The following ZMYM2 variants were observed in gnomAD, a reference collection of about 807,000 sequenced individuals.
The protein encoded by ZMYM2 is zinc finger MYM-type containing 2.
Under a neutral mutation model 162.8 loss-of-function variants are expected in ZMYM2, and 56 were observed. The observed-to-expected ratio is 0.34, with a 90% CI of 0.28 to 0.43. The LOEUF is 0.43. ZMYM2 is among the 20% of genes least tolerant of loss of function. The pLI is 1.00. For synonymous variants in ZMYM2, 510 were observed against 541.6 expected (o/e 0.94, Z 0.81); for missense variants, 1,275 against 1,621.8 (o/e 0.79, Z 3.67).
At chr13:20,003,487 T>C (rs530102462) in intron 4 of ZMYM2, among the ~76,000 whole-genome samples, 1 of 152,300 alleles carries the variant, frequency 6.6e-6, no homozygotes, top group East Asian at 1.9e-4. Context: ...ATCAAGATTA[T>C]AAAATTGGCA....
intron 12 of ZMYM2, among the ~76,000 whole-genome samples, chr13:20,048,801 C>T (rs1955048381): frequency 3.1e-5 from 2 of 65,324 alleles, no homozygotes; most frequent in Non-Finnish European, 4.5e-5. Flanking sequence ...GAACCTGTGA[C>T]TTGTTTTTTT....
At chr13:20,061,646 T>G (rs1956244977) in intron 17 of ZMYM2, among the ~76,000 whole-genome samples, 1 of 152,034 alleles carries the variant, frequency 6.6e-6, no homozygotes, top group Non-Finnish European at 1.5e-5. Context: ...TGGAGTGTAG[T>G]AGCATGATCC....
At chr13:20,063,972 T>TA (rs1399800434) in intron 18 of ZMYM2, among the ~76,000 whole-genome samples, 3 of 144,774 alleles carry the variant, frequency 2.1e-5, no homozygotes, top group Non-Finnish European at 3.0e-5. Flanking sequence ...AGCTTTTTTT[T>TA]AAGATCCTTT....
chr13:19,931,565 A>G, the ZMYM2 span, among the ~76,000 whole-genome samples: 20 of 152,296 alleles, frequency 1.3e-4, 1 homozygote, highest in South Asian at 4.1e-3. Context: ...AGTTGGAATC[A>G]TACAGTATAT....
the ZMYM2 span, among the ~76,000 whole-genome samples, chr13:19,938,440 G>A: frequency 6.6e-6 from 1 of 152,322 alleles, no homozygotes; most frequent in East Asian, 1.9e-4. Context: ...CAACGTTGCA[G>A]TGAGCCGAGA....
At chr13:19,982,045 A>AGTTTTAGGTG (rs1266665414) in intron 2 of ZMYM2, among the ~76,000 whole-genome samples, 1 of 152,148 alleles carries the variant, frequency 6.6e-6, no homozygotes, top group East Asian at 1.9e-4. Context: ...TGTGACTTGC[A>AGTTTTAGGTG]GTTTTAGGTG....
intron 21 of ZMYM2, among the ~76,000 whole-genome samples, chr13:20,070,063 GCTTA>G (rs1427289559): frequency 1.3e-5 from 2 of 151,562 alleles, no homozygotes; most frequent in African/African-American, 4.9e-5. Flanking sequence ...CTTATTCTTT[GCTTA>G]CTTAACTTTT....
chr13:19,940,005 G>T, the ZMYM2 span, among the ~76,000 whole-genome samples: 1 of 152,134 alleles, frequency 6.6e-6, no homozygotes, highest in South Asian at 2.1e-4. Context: ...TGTTAACCGA[G>T]AAATCAAAAT....
At chr13:20,068,690 T>A (rs1956861533) in intron 21 of ZMYM2, among the ~76,000 whole-genome samples, 1 of 151,712 alleles carries the variant, frequency 6.6e-6, no homozygotes, top group Non-Finnish European at 1.5e-5. Context: ...GTAGATGAAA[T>A]TGTCTTGGTC....
rs377112640 is a variant in ZMYM2, at chr13:20,069,680, A to C, written c.3453+2290A>C. ...ATTCTTGGGATAGACTCCAATTGAT[A>C]ATGTTATCCTTTTTATATATTGCCA... is the stretch of plus-strand genomic sequence containing the variant. On this transcript the variant is annotated intron_variant, in intron 21 of 24. Coordinates refer to ENST00000610343, the MANE Select transcript of ZMYM2 (RefSeq NM_197968.4). 1.1e-3 allele frequency among the ~76,000 whole-genome samples: 171 copies of C among 152,140 alleles called. 1 individual carries two copies. In the Middle Eastern group the frequency reaches 0.017, roughly 15 times the overall value.
At chr13:19,896,815 A>G in the ZMYM2 span, among the ~76,000 whole-genome samples, 4 of 150,976 alleles carry the variant, frequency 2.6e-5, no homozygotes, top group African/African-American at 9.8e-5. Flanking sequence ...TGTCTCATGC[A>G]TATAATCCCA....
Position 20,019,636 on chromosome 13 carries a change from T to C in ZMYM2, c.1584+18T>C. Reference sequence around the variant, plus strand: ...AGCCTGAGGTAAGCAGGAATGTAAATGGAGTTCAAGGCCTTAACATTTTTG... The same window carrying C: ...AGCCTGAGGTAAGCAGGAATGTAAACGGAGTTCAAGGCCTTAACATTTTTG... On this transcript the variant is annotated intron_variant, in intron 7 of 24. Coordinates refer to ENST00000610343, the MANE Select transcript of ZMYM2 (RefSeq NM_197968.4). The C allele has an allele frequency of 5.7e-6, 9 of 1,578,376 alleles. No homozygotes were observed. Among genetic ancestry groups the C allele is most frequent in the Non-Finnish European group, 7.8e-6 (9 of 1,160,740 alleles).
At chr13:19,890,017 T>G in the ZMYM2 span, among the ~76,000 whole-genome samples, 1 of 151,918 alleles carries the variant, frequency 6.6e-6, no homozygotes, top group African/African-American at 2.4e-5. Flanking sequence ...CACACAGGAC[T>G]ACACCTCAAA....
At chr13:19,897,912 C>T in the ZMYM2 span, among the ~76,000 whole-genome samples, 2 of 152,116 alleles carry the variant, frequency 1.3e-5, no homozygotes, top group African/African-American at 4.8e-5. Flanking sequence ...AACTTCAATA[C>T]TCCCCTTTCA....
intron 2 of ZMYM2, among the ~76,000 whole-genome samples, chr13:19,970,903 G>T (rs896245975): frequency 6.6e-6 from 1 of 152,068 alleles, no homozygotes; most frequent in African/African-American, 2.4e-5. Context: ...GATGCAGGAG[G>T]ATCTTTTCTT....
At chr13:19,946,329 C>T in the ZMYM2 span, among the ~76,000 whole-genome samples, 4 of 152,210 alleles carry the variant, frequency 2.6e-5, no homozygotes, top group South Asian at 2.1e-4. Flanking sequence ...GGGGCCACCC[C>T]GCCTGCTCTT....
chr13:19,897,092 T>G, the ZMYM2 span, among the ~76,000 whole-genome samples: 1 of 149,498 alleles, frequency 6.7e-6, no homozygotes, highest in African/African-American at 2.5e-5. Flanking sequence ...AAAAAAGTGC[T>G]TAGCATATTC....
the ZMYM2 span, among the ~76,000 whole-genome samples, chr13:19,938,931 CA>C: frequency 6.6e-6 from 1 of 150,632 alleles, no homozygotes; most frequent in African/African-American, 2.4e-5. Flanking sequence ...CTTTTTTGTA[CA>C]AAGGAAACTG....
At chr13:19,897,983 G>A in the ZMYM2 span, among the ~76,000 whole-genome samples, 1 of 151,974 alleles carries the variant, frequency 6.6e-6, no homozygotes, top group Admixed American at 6.6e-5. Flanking sequence ...ACAACACTAT[G>A]GAACAATCAG....
Sources: allele counts gnomAD v4.1 joint callset (sites outside exome capture counted in the v4.1 genomes callset), GRCh38; gene constraint gnomAD v4.1.1; transcripts MANE v1.5; gene names NCBI Gene and HGNC (gene_info 2026-07-23, HGNC 2026-07-21).